AGMO: variants seen among roughly 807,000 people sequenced by gnomAD.
The protein encoded by AGMO is alkylglycerol monooxygenase, also known as glyceryl-ether monooxygenase.
In AGMO, 75 loss-of-function variants were observed where a neutral mutation model predicts 60.2. The ratio of observed to expected loss-of-function variants is 1.25; its 90% CI spans 1.03 to 1.51. The LOEUF (loss-of-function observed/expected upper bound fraction) is 1.51. Ranked by LOEUF, AGMO falls within the 40% of genes most tolerant of loss-of-function variation. AGMO has a pLI of 0.00. For synonymous variants in AGMO, 261 were observed against 177.1 expected, an observed-to-expected ratio of 1.47 and a Z score of -3.76; for missense variants, 763 against 525.5, an observed-to-expected ratio of 1.45 and a Z score of -4.42.
chr7:15,371,917 T>A (rs1265516611), intron 10 of AGMO, among the ~76,000 whole-genome samples: 13,288 of 151,694 alleles, frequency 0.088, 158 homozygotes, highest in Non-Finnish European at 0.11. Flanking sequence ...TATTAAATTA[T>A]TAAGTGTTTC....
chr7:15,200,642 C>G lies in AGMO; in HGVS notation c.*643G>C, dbSNP rs1188352845. The G allele has an allele frequency of 6.6e-6, 1 of 152,560 alleles. No individual in the cohort carries two copies. Among genetic ancestry groups the G allele is most frequent in the Non-Finnish European group, 1.5e-5 (1 of 68,278 alleles). 9.5% of individuals were successfully genotyped at this position (152,560 alleles called of 1,614,324 possible). On this transcript the variant is annotated 3_prime_UTR_variant, in exon 13 of 13. Transcript: ENST00000342526. ...CAGAGTAGCTGGGACTACAGGCGCACACCACCATGTCCAGCTAAATTTTTA... is the reference window on the plus strand; with the variant it reads ...CAGAGTAGCTGGGACTACAGGCGCAGACCACCATGTCCAGCTAAATTTTTA...
At chr7:15,463,230 T>C (rs1312084043) in intron 3 of AGMO, among the ~76,000 whole-genome samples, 1 of 152,174 alleles carries the variant, frequency 6.6e-6, no homozygotes, top group Non-Finnish European at 1.5e-5. Flanking sequence ...TCTGTTGTTG[T>C]TCTTGCTTGT....
At chr7:15,491,960 A>T (rs1272540248) in intron 3 of AGMO, among the ~76,000 whole-genome samples, 1 of 152,198 alleles carries the variant, frequency 6.6e-6, no homozygotes, top group African/African-American at 2.4e-5. Flanking sequence ...TTTAGACCAA[A>T]GTTAGAAACA....
the AGMO span, among the ~76,000 whole-genome samples, chr7:15,176,600 C>A: frequency 6.6e-6 from 1 of 151,764 alleles, no homozygotes; most frequent in Non-Finnish European, 1.5e-5. Context: ...ACTGGATATA[C>A]TTATGCATTG....
intron 3 of AGMO, among the ~76,000 whole-genome samples, chr7:15,435,286 A>G (rs1192542118): frequency 6.7e-6 from 1 of 149,698 alleles, no homozygotes; most frequent in East Asian, 1.9e-4. Context: ...TTAAGGACCT[A>G]TCAAATTGTT....
intron 3 of AGMO, among the ~76,000 whole-genome samples, chr7:15,515,517 T>C (rs1783784752): frequency 6.6e-6 from 1 of 152,198 alleles, no homozygotes; most frequent in Non-Finnish European, 1.5e-5. Flanking sequence ...GGATGTACGT[T>C]TTGGCTTTTA....
At position 15,200,984 on chromosome 7, in the gene AGMO, C is replaced by T. The variant is rs1036326700; in HGVS notation, c.*301G>A. 4 of 223,162 alleles carry T rather than the reference C, an allele frequency of 1.8e-5. No homozygotes were observed. The highest frequency in any genetic ancestry group is 1.1e-4 in the Admixed American group (2 of 17,668). The allele number at this position is 223,162 out of a possible 1,614,324, so 13.8% of individuals were successfully genotyped here. A position where few individuals can be genotyped will look rare whatever the true frequency, so the allele number is the denominator to read the frequency against. On this transcript the variant is annotated 3_prime_UTR_variant, in exon 13 of 13. Coordinates refer to ENST00000342526, the MANE Select transcript of AGMO (RefSeq NM_001004320.2). ...AAGGCAATATTCCTTCTTGTTTTTA[C>T]TGTTTTTAAGTTTCATCCCTTCTTT...
intron 5 of AGMO, among the ~76,000 whole-genome samples, chr7:15,395,837 T>C (rs976834897): frequency 6.6e-5 from 10 of 152,206 alleles, no homozygotes; most frequent in Non-Finnish European, 1.5e-4. Flanking sequence ...GGAGCGTTTG[T>C]TTTTTGACAA....
At chr7:15,407,228 A>AATATATATATATATATATATAT (rs1332532741) in intron 5 of AGMO, among the ~76,000 whole-genome samples, 1 of 72,432 alleles carries the variant, frequency 1.4e-5, no homozygotes, top group Non-Finnish European at 3.3e-5. Flanking sequence ...CTTTCTTTGG[A>AATATATATATATATATATATAT]ATACATATAT....
intron 6 of AGMO, among the ~76,000 whole-genome samples, chr7:15,392,942 A>T (rs1213268467): frequency 6.6e-6 from 1 of 152,272 alleles, no homozygotes; most frequent in East Asian, 1.9e-4. Context: ...CATCTAATAC[A>T]AAGCCTGTTT....
intron 12 of AGMO, among the ~76,000 whole-genome samples, chr7:15,212,523 ATGT>A (rs1046309906): frequency 6.6e-6 from 1 of 151,946 alleles, no homozygotes; most frequent in Non-Finnish European, 1.5e-5. Flanking sequence ...TATCTTTATA[ATGT>A]TGTCATTCAA....
chr7:15,270,896 C>T (rs1421172679), intron 12 of AGMO, among the ~76,000 whole-genome samples: 1 of 151,714 alleles, frequency 6.6e-6, no homozygotes, highest in Admixed American at 6.6e-5. Context: ...GCCAATTTTC[C>T]ACACACCATT....
At chr7:15,375,460 A>G (rs1015224580) in intron 10 of AGMO, among the ~76,000 whole-genome samples, 1 of 141,118 alleles carries the variant, frequency 7.1e-6, no homozygotes, top group African/African-American at 2.7e-5. Flanking sequence ...CAGTAGCACA[A>G]TCTTGGCTTC....
intron 12 of AGMO, among the ~76,000 whole-genome samples, chr7:15,229,728 A>T (rs1022910763): frequency 2.7e-5 from 2 of 74,172 alleles, no homozygotes; most frequent in Non-Finnish European, 4.6e-5. Context: ...TTATATATAA[A>T]TTATATATTA....
chr7:15,450,407 G>A (rs1359284062), intron 3 of AGMO, among the ~76,000 whole-genome samples: 6 of 147,240 alleles, frequency 4.1e-5, no homozygotes, highest in Non-Finnish European at 8.9e-5. Context: ...GCAACAGAGC[G>A]AGTCTCCATC....
rs556905527 is a variant in AGMO at position 15,273,781 on chromosome 7, G to A, written c.1264-72422C>T. Among the ~76,000 whole-genome samples the A allele has an allele frequency of 2.0e-5, 3 of 152,190 alleles. No homozygotes were observed. The East Asian group carries it at 5.8e-4, about 29-fold the overall frequency. On this transcript the variant is annotated intron_variant, in intron 12 of 12. Coordinates refer to ENST00000342526, the MANE Select transcript of AGMO (RefSeq NM_001004320.2). ...ATGGAATGTTCTTCCATTTGTTTGT[G>A]TCCTCTTTTATTTTGTTGAGCAGTG...
intron 12 of AGMO, among the ~76,000 whole-genome samples, chr7:15,216,353 A>G (rs866887275): frequency 6.6e-6 from 1 of 152,066 alleles, no homozygotes; most frequent in African/African-American, 2.4e-5. Context: ...TTAGAAAACT[A>G]CACTTTCTGC....
At chr7:15,333,020 T>G (rs1781544546) in intron 12 of AGMO, among the ~76,000 whole-genome samples, 1 of 152,116 alleles carries the variant, frequency 6.6e-6, no homozygotes, top group African/African-American at 2.4e-5. Flanking sequence ...CTTCATAAAC[T>G]CTAGAAGGAA....
At chr7:15,547,745 G>A (rs933374412) in intron 2 of AGMO, among the ~76,000 whole-genome samples, 216 of 151,536 alleles carry the variant, frequency 1.4e-3, no homozygotes, top group Admixed American at 3.5e-3. Context: ...GGGGAGGGGC[G>A]CCCGCCATTG....
Sources: allele counts gnomAD v4.1 joint callset (sites outside exome capture counted in the v4.1 genomes callset), GRCh38; gene constraint gnomAD v4.1.1; transcripts MANE v1.5; gene names NCBI Gene and HGNC (gene_info 2026-07-23, HGNC 2026-07-21).